PIBF1: variants seen among roughly 807,000 people sequenced by gnomAD.
PIBF1 encodes the protein progesterone-induced-blocking factor 1.
PIBF1 carries 90 observed loss-of-function variants against 112.5 expected under a neutral mutation model. That is an observed-to-expected ratio of 0.80 (90% CI 0.67 to 0.95). PIBF1 has a LOEUF of 0.95. PIBF1 is among the 40% of genes least tolerant of loss of function. The probability of loss-of-function intolerance (pLI) is 0.00; values close to 1 mark genes in which losing one functional copy is unlikely to be tolerated. For missense variants in PIBF1, 915 were observed against 852.3 expected (o/e 1.07, Z -0.92); for synonymous variants, 301 against 288.6 (o/e 1.04, Z -0.44).
intron 11 of PIBF1, among the ~76,000 whole-genome samples, chr13:72,908,157 A>G (rs2138653611): frequency 6.6e-6 from 1 of 152,336 alleles, no homozygotes; most frequent in Admixed American, 6.5e-5. Context: ...TTTTACAAAC[A>G]GCTTTGTAAG....
intron 16 of PIBF1, among the ~76,000 whole-genome samples, chr13:72,991,906 G>A (rs2043494519): frequency 6.6e-6 from 1 of 152,100 alleles, no homozygotes; most frequent in Non-Finnish European, 1.5e-5. Context: ...TTTTAGTAGA[G>A]ATGGGGTTTC....
At chr13:72,851,449 G>A (rs886514893) in intron 9 of PIBF1, among the ~76,000 whole-genome samples, 3 of 152,212 alleles carry the variant, frequency 2.0e-5, no homozygotes, top group African/African-American at 7.2e-5. Context: ...CTGCCACCTC[G>A]GCCTCCTCTG....
chr13:72,826,074 T>A (rs1040861354), intron 6 of PIBF1, among the ~76,000 whole-genome samples: 4 of 151,556 alleles, frequency 2.6e-5, no homozygotes, highest in Non-Finnish European at 2.9e-5. Flanking sequence ...AAAGATTTTT[T>A]AAAAAATTGC....
chr13:72,799,581 C>G (rs2035371019), intron 5 of PIBF1, among the ~76,000 whole-genome samples: 1 of 152,146 alleles, frequency 6.6e-6, no homozygotes, highest in Non-Finnish European at 1.5e-5. Context: ...AAAAAAAATT[C>G]AACTGTAGTC....
At chr13:72,853,963 A>T in intron 9 of PIBF1, 94 bp from the exon 10 acceptor site, 1 of 954,682 alleles carries the variant, frequency 1.0e-6, no homozygotes, top group Non-Finnish European at 1.6e-6. Flanking sequence ...AACTTCTCAG[A>T]TGGGTCCTTA....
intron 11 of PIBF1, among the ~76,000 whole-genome samples, chr13:72,899,893 A>G (rs2040419352): frequency 6.6e-6 from 1 of 152,202 alleles, no homozygotes; most frequent in African/African-American, 2.4e-5. Context: ...AACTGATTAA[A>G]CAATTCAGCA....
In PIBF1 at chr13:72,931,274, A is replaced by C. The variant is rs1277912665; in HGVS notation, c.1833+7A>C. ...AACACAGCTTTCACAAGAGGTAAAT[A>C]ACTTAAAGAAACCCATATGAAGAAT... On this transcript the variant is annotated splice_region_variant and intron_variant, in intron 14 of 17. Transcript: ENST00000326291. 1 of 1,456,312 alleles carries C rather than the reference A, an allele frequency of 6.9e-7. No individual in the cohort carries two copies. Among genetic ancestry groups the C allele is most frequent in the Non-Finnish European group, 9.6e-7 (1 of 1,040,818 alleles). The allele number at this position is 1,456,312 out of a possible 1,614,324, so 90.2% of individuals were successfully genotyped here.
intron 5 of PIBF1, among the ~76,000 whole-genome samples, chr13:72,816,430 A>G (rs1270400931): frequency 6.6e-6 from 1 of 152,086 alleles, no homozygotes; most frequent in Non-Finnish European, 1.5e-5. Context: ...TTTGGGGCTG[A>G]GGCGGGTGGA....
At chr13:72,878,685 C>G (rs2039503218) in intron 10 of PIBF1, among the ~76,000 whole-genome samples, 1 of 152,146 alleles carries the variant, frequency 6.6e-6, no homozygotes, top group African/African-American at 2.4e-5. Flanking sequence ...TAATGATTTT[C>G]TGCCTACTGG....
chr13:72,797,089 G>T (rs1484437220), intron 4 of PIBF1, among the ~76,000 whole-genome samples: 3 of 152,094 alleles, frequency 2.0e-5, no homozygotes, highest in African/African-American at 4.8e-5. Context: ...ATTTCTCTGA[G>T]ACAAGTATGA....
chr13:72,902,382 G>GA (rs1362588399), intron 11 of PIBF1, among the ~76,000 whole-genome samples: 1 of 149,496 alleles, frequency 6.7e-6, no homozygotes, highest in African/African-American at 2.5e-5. Flanking sequence ...ATAACTTACG[G>GA]AAAAATAATT....
At chr13:72,807,908 A>G (rs573335788) in intron 5 of PIBF1, among the ~76,000 whole-genome samples, 9 of 152,284 alleles carry the variant, frequency 5.9e-5, no homozygotes, top group African/African-American at 2.2e-4. Context: ...TAACATTTTT[A>G]TTGTATTTGT....
intron 9 of PIBF1, among the ~76,000 whole-genome samples, chr13:72,841,744 C>G (rs1484013265): frequency 6.6e-6 from 1 of 152,104 alleles, no homozygotes; most frequent in Non-Finnish European, 1.5e-5. Flanking sequence ...GCACTCCACC[C>G]TGGGCAAATG....
At chr13:72,986,241 C>CTG (rs1352795065) in intron 16 of PIBF1, among the ~76,000 whole-genome samples, 17 of 152,086 alleles carry the variant, frequency 1.1e-4, no homozygotes, top group Admixed American at 8.5e-4. Flanking sequence ...CAGATGACTA[C>CTG]TGTTAATAGA....
intron 5 of PIBF1, among the ~76,000 whole-genome samples, chr13:72,816,919 A>G (rs1469158149): frequency 6.6e-6 from 1 of 152,150 alleles, no homozygotes; most frequent in East Asian, 1.9e-4. Context: ...AACAGACTTC[A>G]TTGTGGCTTA....
At chr13:72,876,449 C>T (rs1302826675) in intron 10 of PIBF1, among the ~76,000 whole-genome samples, 4 of 151,962 alleles carry the variant, frequency 2.6e-5, no homozygotes, top group Non-Finnish European at 2.9e-5. Flanking sequence ...CTTTAGAATC[C>T]GTTTGTCTAT....
Position 72,973,424 on chromosome 13 carries a change from A to G in PIBF1, c.1965-167A>G, listed in dbSNP as rs184502061. The stretch of plus-strand genomic sequence containing the variant: ...AAAAGATCTTCTGACAAAATAGGCC[A>G]TTCATTGGGCCAAACATTTTAGTGG... On this transcript the variant is annotated intron_variant, in intron 15 of 17. Transcript: ENST00000326291. 3.5e-3 allele frequency among the ~76,000 whole-genome samples: 527 copies of G among 152,276 alleles called. 1 individual carries two copies. Among genetic ancestry groups the G allele is most frequent in the African/African-American group, 0.01 (428 of 41,574 alleles).
At chr13:72,897,977 CAG>C (rs1286808979) in intron 11 of PIBF1, among the ~76,000 whole-genome samples, 18 of 152,248 alleles carry the variant, frequency 1.2e-4, no homozygotes, top group Middle Eastern at 3.4e-3. Context: ...CAGATGTAAA[CAG>C]AACATTTCAT....
chr13:72,859,428 G>A (rs2038593947), intron 10 of PIBF1, among the ~76,000 whole-genome samples: 1 of 152,130 alleles, frequency 6.6e-6, no homozygotes, highest in Non-Finnish European at 1.5e-5. Flanking sequence ...AATGTTGTTA[G>A]AGAATTATTA....
Sources: gnomAD v4.1 joint callset for allele counts (sites outside exome capture counted in the v4.1 genomes callset) on GRCh38, gnomAD v4.1.1 for gene constraint, MANE v1.5 for transcripts, NCBI Gene and HGNC (gene_info 2026-07-23, HGNC 2026-07-21) for gene names.